PAPLN: variants seen among roughly 807,000 people sequenced by gnomAD.
PAPLN encodes papilin, proteoglycan like sulfated glycoprotein, also known as papilin.
In PAPLN, 146 loss-of-function variants were observed where a neutral mutation model predicts 159.0. The observed-to-expected ratio is 0.92, with a 90% CI of 0.80 to 1.05. The LOEUF (loss-of-function observed/expected upper bound fraction) is 1.05. Among genes scored for constraint, PAPLN ranks in the 50% least tolerant of loss-of-function variants. The probability of loss-of-function intolerance (pLI) is 0.00; values close to 1 mark genes in which losing one functional copy is unlikely to be tolerated. For synonymous variants in PAPLN, 734 were observed against 702.9 expected (o/e 1.04, Z -0.70); for missense variants, 1,720 against 1,743.9 (o/e 0.99, Z 0.24).
At chr14:73,242,268 G>A (rs1211793640) in intron 2 of PAPLN, among the ~76,000 whole-genome samples, 1 of 152,182 alleles carries the variant, frequency 6.6e-6, no homozygotes, top group Admixed American at 6.5e-5. Context: ...CCCTTAGGGG[G>A]CCCTTGTTCA....
intron 19 of PAPLN, 101 bp from the exon 20 acceptor site, chr14:73,263,544 C>A (rs1594822984): frequency 2.0e-6 from 3 of 1,503,820 alleles, no homozygotes; most frequent in Non-Finnish European, 2.7e-6. Flanking sequence ...GTGCCTGTGA[C>A]AGGATGGGCC....
rs71112722 is a variant in PAPLN, at chr14:73,248,075, CTGTGTGTGTGTGTG to C, written c.335-1890_335-1877del. ...TGGCCCAGTGGGAGTCTCATATCCT[CTGTGTGTGTGTGTG>C]TGTGTGTGTGTGTGTGTGCGCGTGT... On this transcript the variant is annotated intron_variant, in intron 5 of 26. Coordinates refer to ENST00000644200, the MANE Select transcript of PAPLN (RefSeq NM_001365906.3). Among the ~76,000 whole-genome samples, 28 of 45,600 alleles carry C rather than the reference CTGTGTGTGTGTGTG, an allele frequency of 6.1e-4. 1 individual carries two copies. Among genetic ancestry groups the C allele is most frequent in the African/African-American group, 3.0e-3 (19 of 6,394 alleles). 29.9% of individuals were successfully genotyped at this position (45,600 alleles called of 152,430 possible). A position where few individuals can be genotyped will look rare whatever the true frequency, so the allele number is the denominator to read the frequency against.
At chr14:73,240,440 T>C (rs1014004706) in intron 2 of PAPLN, among the ~76,000 whole-genome samples, 2 of 152,130 alleles carry the variant, frequency 1.3e-5, no homozygotes, top group Non-Finnish European at 2.9e-5. Flanking sequence ...TTTTAAAATT[T>C]TTAAGTATTT....
Position 73,250,097 on chromosome 14 carries a change from G to A in PAPLN, c.448G>A (p.Val150Met), listed in dbSNP as rs1307011451. ...PCEPGKRDVC[V>M]DGSCRVVGCD... The stretch of plus-strand genomic sequence containing the variant: ...CGAGCCTGGCAAGAGGGATGTCTGT[G>A]TGGATGGCAGCTGCCGGGTGAGTGG... The change falls in exon 6 of 27, where the codon GTG becomes ATG. Residue 150 changes from valine to methionine, a missense_variant. Coordinates refer to ENST00000644200, the MANE Select transcript of PAPLN (RefSeq NM_001365906.3). 1 of 1,610,760 alleles carries A rather than the reference G, an allele frequency of 6.2e-7. No homozygotes were observed. The highest frequency in any genetic ancestry group is 8.5e-7 in the Non-Finnish European group (1 of 1,178,646).
At chr14:73,263,007 C>G in intron 19 of PAPLN, 180 bp downstream of exon 19, 1 of 517,592 alleles carries the variant, frequency 1.9e-6, no homozygotes, top group Non-Finnish European at 3.2e-6. Flanking sequence ...GCTGGGGCTT[C>G]AGAGACTTGA....
rs551257947 is a variant in PAPLN, at chr14:73,272,896, CAAG to C, written c.*237_*239del. The C allele has an allele frequency of 1.3e-3, 513 of 388,100 alleles. 4 individuals carry two copies. The highest frequency in any genetic ancestry group is 9.8e-3 in the African/African-American group (475 of 48,684). 24.0% of individuals were successfully genotyped at this position (388,100 alleles called of 1,614,324 possible). ...TGACATAACCACAGGCTGCTGTTTT[CAAG>C]AAGAGCAATCTGTTTGGATAAGAAA... On this transcript the variant is annotated 3_prime_UTR_variant, in exon 27 of 27. Coordinates refer to ENST00000644200, the MANE Select transcript of PAPLN (RefSeq NM_001365906.3).
chr14:73,246,253 T>C, intron 5 of PAPLN, 78 bp downstream of exon 5: 2 of 1,235,550 alleles, frequency 1.6e-6, no homozygotes, highest in Middle Eastern at 1.9e-4. Context: ...TGCCGTATTA[T>C]AGAGGCGTTG....
In PAPLN at chr14:73,259,038, C is replaced by T; in HGVS notation, c.1687C>T (p.Pro563Ser). 1 of 1,611,958 alleles carries T rather than the reference C, an allele frequency of 6.2e-7. No homozygotes were observed. Among genetic ancestry groups the T allele is most frequent in the Non-Finnish European group, 8.5e-7 (1 of 1,179,114 alleles). Residue 563 changes from proline to serine, a missense_variant, in exon 15 of 27, where the codon CCT (proline) becomes TCT (serine). Physicochemically the swap from Pro to Ser is moderately conservative, Grantham distance 74. Coordinates refer to ENST00000644200, the MANE Select transcript of PAPLN (RefSeq NM_001365906.3). ...CAGCAACCCCTGGATGCCGTTGGGC[C>T]CTCAGGAGTCCCCTGCCTCAGGTGA... ...PASNPWMPLG[P>S]QESPASDSRG... is the part of the protein sequence containing the mutation.
intron 17 of PAPLN, 77 bp from the exon 18 acceptor site, chr14:73,261,078 TC>T (rs1168138205): frequency 2.5e-6 from 4 of 1,607,842 alleles, no homozygotes; most frequent in Non-Finnish European, 3.4e-6. Flanking sequence ...CTTCCTGCCA[TC>T]CTCCCCGTGG....
intron 2 of PAPLN, among the ~76,000 whole-genome samples, chr14:73,240,552 T>G (rs59781702): frequency 0.025 from 3,837 of 152,230 alleles, 134 homozygotes; most frequent in African/African-American, 0.071. Context: ...AAGTGATTCT[T>G]CTGCCTCAGC....
At chr14:73,270,818 G>T in intron 26 of PAPLN, among the ~76,000 whole-genome samples, 1 of 152,078 alleles carries the variant, frequency 6.6e-6, no homozygotes. Context: ...ACTCTCCTCC[G>T]GTCCTCTGCT....
chr14:73,266,231 G>C (rs1439494279), intron 23 of PAPLN, among the ~76,000 whole-genome samples: 1 of 152,136 alleles, frequency 6.6e-6, no homozygotes, highest in Non-Finnish European at 1.5e-5. Flanking sequence ...CCAGCTACTC[G>C]GGAGGCTGAG....
chr14:73,248,089 G>GTGTGTC (rs1884778898), intron 5 of PAPLN, among the ~76,000 whole-genome samples: 1 of 100,112 alleles, frequency 1.0e-5, no homozygotes, highest in African/African-American at 3.8e-5. Flanking sequence ...GTGTGTGTGT[G>GTGTGTC]TGTGTGTGTG....
chr14:73,264,230 G>A lies in PAPLN; in HGVS notation c.2881G>A (p.Gly961Arg), dbSNP rs374197764. The change falls in exon 21 of 27, where the codon GGA becomes AGA. Residue 961 changes from glycine to arginine, a missense_variant. By Grantham distance (125) the Gly-to-Arg change is moderately radical. Coordinates refer to ENST00000644200, the MANE Select transcript of PAPLN (RefSeq NM_001365906.3). ...SSDRHRLQFD[G>R]SLIIHPLQAE... ...ACTCAGGCACAGGCTGCAGTTCGAC[G>A]GATCCCTGATCATCCACCCCCTGCA... The A allele has an allele frequency of 1.9e-4, 299 of 1,613,862 alleles. 2 individuals carry two copies. Among genetic ancestry groups the A allele is most frequent in the Middle Eastern group, 4.9e-4 (3 of 6,062 alleles).
upstream of PAPLN, among the ~76,000 whole-genome samples, chr14:73,237,050 G>C (rs1413206974): frequency 6.6e-6 from 1 of 152,150 alleles, no homozygotes; most frequent in Non-Finnish European, 1.5e-5. Context: ...GGGTTTGAGA[G>C]GTAGAGGGGA....
intron 22 of PAPLN, 92 bp downstream of exon 22, chr14:73,264,818 C>A: frequency 6.4e-7 from 1 of 1,567,610 alleles, no homozygotes; most frequent in South Asian, 1.2e-5. Context: ...CTGCTGTGAC[C>A]AGGCCTTGCC....
At chr14:73,270,251 C>T (rs959404353) in intron 26 of PAPLN, among the ~76,000 whole-genome samples, 1 of 152,210 alleles carries the variant, frequency 6.6e-6, no homozygotes, top group Non-Finnish European at 1.5e-5. Flanking sequence ...GTGGCGGCCC[C>T]GCGCTCAGCG....
At chr14:73,239,747 G>A (rs1439071218) in intron 1 of PAPLN, 26 bp from the exon 2 acceptor site, 1 of 1,565,124 alleles carries the variant, frequency 6.4e-7, no homozygotes, top group Non-Finnish European at 8.6e-7. Flanking sequence ...GCCCCGGGCC[G>A]CTCTAACCCA....
chr14:73,246,001 TC>T, intron 4 of PAPLN, 71 bp from the exon 5 acceptor site: 1 of 1,402,060 alleles, frequency 7.1e-7, no homozygotes, highest in Non-Finnish European at 9.4e-7. Flanking sequence ...CTCCCTGGGC[TC>T]GGGCGGGGCG....
Sources: gnomAD v4.1 joint callset for allele counts (sites outside exome capture counted in the v4.1 genomes callset) on GRCh38, gnomAD v4.1.1 for gene constraint, MANE v1.5 for transcripts, NCBI Gene and HGNC (gene_info 2026-07-23, HGNC 2026-07-21) for gene names.